Variants in ATP10D observed in about 807,000 individuals in gnomAD.
The protein encoded by ATP10D is ATPase phospholipid transporting 10D (putative).
ATP10D carries 89 observed loss-of-function variants against 144.8 expected under a neutral mutation model. The observed-to-expected ratio is 0.61, with a 90% CI of 0.52 to 0.73. The LOEUF (loss-of-function observed/expected upper bound fraction) is 0.73, where lower values mean the gene tolerates loss of function less well. Among genes scored for constraint, ATP10D ranks in the 30% least tolerant of loss-of-function variants. ATP10D has a pLI of 0.00. For missense variants in ATP10D, 1,603 were observed against 1,714.8 expected (o/e 0.93, Z 1.15); for synonymous variants, 571 against 615.1 (o/e 0.93, Z 1.06).
Position 47,508,373 on chromosome 4 carries a change from A to G in ATP10D, c.-37-4131A>G, listed in dbSNP as rs151296987. On this transcript the variant is annotated intron_variant, in intron 1 of 22. Coordinates refer to ENST00000273859, the MANE Select transcript of ATP10D (RefSeq NM_020453.4). ...TTTGGACCTAAGCCCAATGTATAAGATTCCCACCCTTGACTTATCTGTGGC... is the reference window on the plus strand; with the variant it reads ...TTTGGACCTAAGCCCAATGTATAAGGTTCCCACCCTTGACTTATCTGTGGC... Among the ~76,000 whole-genome samples the G allele has an allele frequency of 7.8e-3, 1,188 of 152,380 alleles. 2 individuals carry two copies. The highest frequency in any genetic ancestry group is 0.034 in the Middle Eastern group (10 of 294).
At chr4:47,522,426 G>C (rs1716995160) in intron 3 of ATP10D, among the ~76,000 whole-genome samples, 1 of 152,172 alleles carries the variant, frequency 6.6e-6, no homozygotes, top group Non-Finnish European at 1.5e-5. Context: ...TTATTCCAGA[G>C]TTAGACTCAA....
Position 47,572,249 on chromosome 4 carries a change from C to T in ATP10D, c.3240+19C>T, listed in dbSNP as rs559446662. The T allele has an allele frequency of 1.2e-6, 2 of 1,611,240 alleles. No homozygotes were observed. The highest frequency in any genetic ancestry group is 1.7e-5 in the Admixed American group (1 of 60,002). On this transcript the variant is annotated intron_variant, in intron 17 of 22. Transcript: ENST00000273859. ...CATGCAGGTGAGTGGATATTGTGCA[C>T]CCAAGTTCTGTGGCCTTGACCTGCC...
At chr4:47,577,772 A>G (rs1720309441) in intron 19 of ATP10D, among the ~76,000 whole-genome samples, 1 of 152,220 alleles carries the variant, frequency 6.6e-6, no homozygotes. Flanking sequence ...AGGGGTCCTT[A>G]TAATCCTCTA....
intron 10 of ATP10D, among the ~76,000 whole-genome samples, chr4:47,552,947 A>G (rs991999301): frequency 6.6e-6 from 1 of 152,228 alleles, no homozygotes; most frequent in Non-Finnish European, 1.5e-5. Context: ...AAACTTGTTT[A>G]AACTTTTCTT....
intron 1 of ATP10D, among the ~76,000 whole-genome samples, chr4:47,492,233 A>G (rs963069477): frequency 6.6e-6 from 1 of 152,242 alleles, no homozygotes; most frequent in Admixed American, 6.5e-5. Flanking sequence ...CAGATTTGGA[A>G]ACTGATGCTC....
intron 22 of ATP10D, among the ~76,000 whole-genome samples, chr4:47,589,174 T>A (rs1577715734): frequency 6.6e-6 from 1 of 152,164 alleles, no homozygotes; most frequent in East Asian, 1.9e-4. Flanking sequence ...AGGCAAGGAA[T>A]AGATTCTCTA....
chr4:47,510,732 A>T (rs1716279814), intron 1 of ATP10D, among the ~76,000 whole-genome samples: 1 of 152,210 alleles, frequency 6.6e-6, no homozygotes. Flanking sequence ...GACTCTCAAG[A>T]AATTGTATTT....
chr4:47,580,354 C>G (rs1025271900), intron 19 of ATP10D, 44 bp from the exon 20 acceptor site: 10 of 1,444,822 alleles, frequency 6.9e-6, no homozygotes, highest in African/African-American at 1.4e-5. Context: ...TTTCTTGGAC[C>G]CTTGTTAATC....
At chr4:47,531,501 A>C (rs1717568169) in intron 5 of ATP10D, among the ~76,000 whole-genome samples, 1 of 152,210 alleles carries the variant, frequency 6.6e-6, no homozygotes, top group South Asian at 2.1e-4. Flanking sequence ...GCAGATCATG[A>C]AGAGGCCAGA....
Position 47,593,009 on chromosome 4 carries a change from A to C in ATP10D, c.*1628A>C, listed in dbSNP as rs1184172974. On this transcript the variant is annotated 3_prime_UTR_variant, in exon 23 of 23. Transcript: ENST00000273859. The stretch of plus-strand genomic sequence containing the variant: ...ATTGCTTTGCCTTTTCTTATATGGA[A>C]AATCACTGATGTCATATCATTTATT... 6.6e-6 allele frequency: 1 copy of C among 152,128 alleles called. No homozygotes were observed. The highest frequency in any genetic ancestry group is 1.5e-5 in the Non-Finnish European group (1 of 67,996). The allele number at this position is 152,128 out of a possible 1,614,324, so 9.4% of individuals were successfully genotyped here. A position where few individuals can be genotyped will look rare whatever the true frequency, so the allele number is the denominator to read the frequency against.
At chr4:47,525,423 T>C in intron 4 of ATP10D, 134 bp from the exon 5 acceptor site, 1 of 658,308 alleles carries the variant, frequency 1.5e-6, no homozygotes, top group East Asian at 2.9e-5. Context: ...TTCCTTCCTT[T>C]GGGAAATTCA....
At chr4:47,542,403 CT>C (rs1426577806) in intron 9 of ATP10D, among the ~76,000 whole-genome samples, 2 of 151,826 alleles carry the variant, frequency 1.3e-5, no homozygotes, top group African/African-American at 4.8e-5. Flanking sequence ...GGCTTCACAC[CT>C]AATTTTTATA....
In ATP10D at chr4:47,543,926, A is replaced by G. The variant is rs560355219; in HGVS notation, c.1397-2698A>G. Among the ~76,000 whole-genome samples the G allele has an allele frequency of 3.4e-4, 52 of 152,312 alleles. 1 individual carries two copies. The South Asian group carries it at 8.9e-3, about 26-fold the overall frequency. ...TACCCCACAACTTTCCCTTAATACT[A>G]GGGATATTTCATTGACATGTCTATT... On this transcript the variant is annotated intron_variant, in intron 9 of 22. Coordinates refer to ENST00000273859, the MANE Select transcript of ATP10D (RefSeq NM_020453.4).
chr4:47,569,489 A>G (rs1577695244), intron 16 of ATP10D, among the ~76,000 whole-genome samples: 1 of 152,242 alleles, frequency 6.6e-6, no homozygotes, highest in Non-Finnish European at 1.5e-5. Flanking sequence ...GCTAAATTCA[A>G]GGACATGAGA....
At chr4:47,502,771 G>A (rs1368325301) in intron 1 of ATP10D, among the ~76,000 whole-genome samples, 1 of 151,400 alleles carries the variant, frequency 6.6e-6, no homozygotes, top group Non-Finnish European at 1.5e-5. Flanking sequence ...CTGAGTGCGT[G>A]CTTGGAAACA....
chr4:47,516,512 G>A (rs925121565), intron 3 of ATP10D, among the ~76,000 whole-genome samples: 36 of 152,272 alleles, frequency 2.4e-4, no homozygotes, highest in African/African-American at 8.4e-4. Context: ...TTAGTAAACC[G>A]TATAGACAAA....
chr4:47,502,738 C>T lies in ATP10D; in HGVS notation c.-37-9766C>T, dbSNP rs537777886. ...TAAATATATAAAAGCTTTATTCTCA[C>T]GAGAGAACTGAAGAAATTCTTACTG... On this transcript the variant is annotated intron_variant, in intron 1 of 22. Coordinates refer to ENST00000273859, the MANE Select transcript of ATP10D (RefSeq NM_020453.4). Among the ~76,000 whole-genome samples, 287 of 150,216 alleles carry T rather than the reference C, an allele frequency of 1.9e-3. 1 individual carries two copies. The highest frequency in any genetic ancestry group is 5.9e-3 in the African/African-American group (243 of 41,158).
intron 4 of ATP10D, among the ~76,000 whole-genome samples, chr4:47,523,735 T>A (rs1045043308): frequency 3.3e-5 from 5 of 152,236 alleles, no homozygotes; most frequent in African/African-American, 4.8e-5. Context: ...TCAGTTTTAT[T>A]ATCTTAAAAT....
chr4:47,591,411 T>C lies in ATP10D; in HGVS notation c.*30T>C. The C allele has an allele frequency of 6.6e-7, 1 of 1,526,558 alleles. No individual in the cohort carries two copies. Among genetic ancestry groups the C allele is most frequent in the Non-Finnish European group, 8.8e-7 (1 of 1,130,942 alleles). 94.6% of individuals were successfully genotyped at this position (1,526,558 alleles called of 1,614,324 possible). The stretch of plus-strand genomic sequence containing the variant: ...CCTCCTTGGAGTTGCAAGTATTCTT[T>C]CAAGGTTGGAAGAGGGATTTTGAAG... On this transcript the variant is annotated 3_prime_UTR_variant, in exon 23 of 23. Coordinates refer to ENST00000273859, the MANE Select transcript of ATP10D (RefSeq NM_020453.4).
Sources: allele counts gnomAD v4.1 joint callset (sites outside exome capture counted in the v4.1 genomes callset), GRCh38; gene constraint gnomAD v4.1.1; transcripts MANE v1.5; gene names NCBI Gene and HGNC (gene_info 2026-07-23, HGNC 2026-07-21).